Variants in SLIT3 observed in about 807,000 individuals in gnomAD.
SLIT3 encodes the protein slit homolog 3 protein.
SLIT3 carries 68 observed loss-of-function variants against 184.0 expected under a neutral mutation model. The ratio of observed to expected loss-of-function variants is 0.37; its 90% CI spans 0.30 to 0.45. SLIT3 has a LOEUF of 0.45. SLIT3 is among the 20% of genes least tolerant of loss of function. The probability of loss-of-function intolerance (pLI) is 1.00; values close to 1 mark genes in which losing one functional copy is unlikely to be tolerated. For synonymous variants in SLIT3, 831 were observed against 828.6 expected, an observed-to-expected ratio of 1.00 and a Z score of -0.05; for missense variants, 1,707 against 2,026.0, an observed-to-expected ratio of 0.84 and a Z score of 3.02.
chr5:168,684,405 C>T (rs1226597515), intron 31 of SLIT3, among the ~76,000 whole-genome samples: 1 of 152,240 alleles, frequency 6.6e-6, no homozygotes, highest in Admixed American at 6.5e-5. Flanking sequence ...CCCTCTGGTG[C>T]ATAACATGAT....
intron 4 of SLIT3, among the ~76,000 whole-genome samples, chr5:168,939,344 A>G (rs2113200031): frequency 6.6e-6 from 1 of 152,358 alleles, no homozygotes; most frequent in South Asian, 2.1e-4. Flanking sequence ...TGTATACTGG[A>G]CAAGGAATTC....
intron 3 of SLIT3, among the ~76,000 whole-genome samples, chr5:169,215,675 C>G (rs894282215): frequency 2.6e-5 from 4 of 152,188 alleles, no homozygotes; most frequent in African/African-American, 9.7e-5. Flanking sequence ...GCCCATCTCC[C>G]TGGCCCGATC....
intron 3 of SLIT3, among the ~76,000 whole-genome samples, chr5:169,207,089 A>G (rs914662923): frequency 6.6e-6 from 1 of 151,020 alleles, no homozygotes; most frequent in African/African-American, 2.4e-5. Flanking sequence ...AGGATTTCTC[A>G]ACCCTCTGGC....
chr5:169,198,629 T>G (rs193296593), intron 3 of SLIT3, among the ~76,000 whole-genome samples: 1 of 152,098 alleles, frequency 6.6e-6, no homozygotes, highest in East Asian at 1.9e-4. Flanking sequence ...GATAATCTGG[T>G]TTGAATTTTA....
rs568339924 is a variant in SLIT3, at chr5:168,671,273, A to G, written c.4052T>C (p.Val1351Ala). ...CCAGCCTGGGCGGCACTCGCACACC[A>G]CGCTGTCCTTCTCCACGGAGCGGCA... ...GLCRSVEKDSVVCECRPGWTG... is the reference protein window; with the variant it reads ...GLCRSVEKDSAVCECRPGWTG... The change falls in exon 34 of 36, where the codon GTG (valine) becomes GCG (alanine). Residue 1351 changes from valine to alanine, a missense_variant. Coordinates refer to ENST00000519560, the MANE Select transcript of SLIT3 (RefSeq NM_003062.4). 4 of 1,613,690 alleles carry G rather than the reference A, an allele frequency of 2.5e-6. No homozygotes were observed. The South Asian group carries it at 4.4e-5, about 18-fold the overall frequency.
chr5:168,671,455 G>A lies in SLIT3; in HGVS notation c.3870C>T (p.Ala1290=). 1.2e-6 allele frequency: 2 copies of A among 1,612,842 alleles called. No individual in the cohort carries two copies. Among genetic ancestry groups the A allele is most frequent in the Non-Finnish European group, 1.7e-6 (2 of 1,179,662 alleles). Reference sequence around the variant, plus strand: ...GAGGCCGGTCCGTGCCCTGGCGCAAGGCAGAGAGGCCGGTGGAGGTGGGGA... The same window carrying A: ...GAGGCCGGTCCGTGCCCTGGCGCAAAGCAGAGAGGCCGGTGGAGGTGGGGA... ...GGIPTSTGLS[A]LRQGTDRPLG... The change falls in exon 34 of 36, where the codon GCC becomes GCT. Residue 1290 remains alanine, a synonymous_variant. Coordinates refer to ENST00000519560, the MANE Select transcript of SLIT3 (RefSeq NM_003062.4).
intron 4 of SLIT3, among the ~76,000 whole-genome samples, chr5:168,889,166 G>C (rs1263961082): frequency 1.3e-5 from 2 of 152,116 alleles, no homozygotes; most frequent in African/African-American, 4.8e-5. Flanking sequence ...TATCCCCTGG[G>C]GATTCTACAA....
At chr5:169,256,412 C>T (rs1269106797) in intron 1 of SLIT3, among the ~76,000 whole-genome samples, 1 of 152,186 alleles carries the variant, frequency 6.6e-6, no homozygotes, top group Non-Finnish European at 1.5e-5. Flanking sequence ...AGCCTAGAAG[C>T]AATAGGCTAT....
intron 3 of SLIT3, among the ~76,000 whole-genome samples, chr5:169,231,408 C>T (rs1764999286): frequency 6.6e-6 from 1 of 152,164 alleles, no homozygotes; most frequent in Admixed American, 6.5e-5. Flanking sequence ...CTTTTAACAC[C>T]ATAGATTAGT....
At chr5:168,801,034 T>C (rs558471598) in intron 9 of SLIT3, among the ~76,000 whole-genome samples, 1 of 152,220 alleles carries the variant, frequency 6.6e-6, no homozygotes, top group Admixed American at 6.5e-5. Flanking sequence ...AGTGGGGAAC[T>C]GAATGAGGCA....
At chr5:168,944,338 G>C (rs1391022129) in intron 4 of SLIT3, among the ~76,000 whole-genome samples, 1 of 152,122 alleles carries the variant, frequency 6.6e-6, no homozygotes, top group Non-Finnish European at 1.5e-5. Flanking sequence ...GAGGTGGAGA[G>C]TCAGCCACTC....
At chr5:169,294,097 T>C (rs1332786675) in intron 1 of SLIT3, among the ~76,000 whole-genome samples, 7 of 152,172 alleles carry the variant, frequency 4.6e-5, no homozygotes, top group Non-Finnish European at 7.3e-5. Flanking sequence ...CCCTTGTTTT[T>C]CCTTTCTTTT....
At chr5:169,122,764 C>T (rs956675207) in intron 4 of SLIT3, among the ~76,000 whole-genome samples, 1 of 152,144 alleles carries the variant, frequency 6.6e-6, no homozygotes. Flanking sequence ...TGTCTATGAC[C>T]GACCTTTCAA....
intron 4 of SLIT3, chr5:169,037,761 G>T (rs894156907): frequency 1.3e-5 from 2 of 152,254 alleles, no homozygotes; most frequent in Non-Finnish European, 2.9e-5. Flanking sequence ...GGCCTGGGAC[G>T]CAGGGGAAAT....
At chr5:169,000,045 A>G (rs915564148) in intron 4 of SLIT3, among the ~76,000 whole-genome samples, 24 of 152,172 alleles carry the variant, frequency 1.6e-4, no homozygotes, top group African/African-American at 5.8e-4. Context: ...TCAGTGCTCA[A>G]CAAATACTGC....
intron 1 of SLIT3, among the ~76,000 whole-genome samples, chr5:169,295,063 G>A (rs1767460177): frequency 6.6e-6 from 1 of 152,174 alleles, no homozygotes; most frequent in Non-Finnish European, 1.5e-5. Context: ...GGACATTACT[G>A]TACACTACTG....
intron 1 of SLIT3, among the ~76,000 whole-genome samples, chr5:169,261,019 T>C (rs1287554739): frequency 6.6e-6 from 1 of 152,216 alleles, no homozygotes; most frequent in Non-Finnish European, 1.5e-5. Flanking sequence ...CCTTAGACAA[T>C]ATATAAATAA....
At chr5:169,285,264 G>A (rs1767116886) in intron 1 of SLIT3, among the ~76,000 whole-genome samples, 1 of 152,080 alleles carries the variant, frequency 6.6e-6, no homozygotes, top group African/African-American at 2.4e-5. Flanking sequence ...TAAGCTCCTG[G>A]TCTTTCCACC....
At chr5:169,199,237 T>C (rs744579) in intron 3 of SLIT3, among the ~76,000 whole-genome samples, 19,550 of 148,846 alleles carry the variant, frequency 0.13, 1,563 homozygotes, top group East Asian at 0.24. Flanking sequence ...TACGTGAGGA[T>C]TGGTCTCTGC....
Sources: allele counts gnomAD v4.1 joint callset (sites outside exome capture counted in the v4.1 genomes callset), GRCh38; gene constraint gnomAD v4.1.1; transcripts MANE v1.5; gene names NCBI Gene and HGNC (gene_info 2026-07-23, HGNC 2026-07-21).